Variants in PPP1R21 observed in about 807,000 individuals in gnomAD.
PPP1R21 encodes protein phosphatase 1 regulatory subunit 21.
PPP1R21 carries 85 observed loss-of-function variants against 112.8 expected under a neutral mutation model. That is an observed-to-expected ratio of 0.75 (90% CI 0.63 to 0.90). The LOEUF (loss-of-function observed/expected upper bound fraction) is 0.90. Ranked by LOEUF, PPP1R21 falls within the 40% of genes least tolerant of loss-of-function variation. The pLI is 0.00. For missense variants in PPP1R21, 1,199 were observed against 901.5 expected, an observed-to-expected ratio of 1.33 and a Z score of -4.23; for synonymous variants, 381 against 322.3, an observed-to-expected ratio of 1.18 and a Z score of -1.95.
chr2:48,498,244 C>G (rs1669938603), intron 16 of PPP1R21, among the ~76,000 whole-genome samples: 1 of 148,244 alleles, frequency 6.7e-6, no homozygotes, highest in Non-Finnish European at 1.5e-5. Flanking sequence ...TCTGAGTTTT[C>G]TTTTCACTCT....
At chr2:48,465,768 G>C (rs1668174322) in intron 9 of PPP1R21, 126 bp downstream of exon 9, 3 of 697,192 alleles carry the variant, frequency 4.3e-6, no homozygotes, top group East Asian at 6.0e-5. Flanking sequence ...AAAAAGCATA[G>C]TTTTTACTCT....
intron 13 of PPP1R21, among the ~76,000 whole-genome samples, chr2:48,481,502 T>C (rs1669009900): frequency 6.6e-6 from 1 of 152,234 alleles, no homozygotes; most frequent in Non-Finnish European, 1.5e-5. Flanking sequence ...AGTCCTCTCT[T>C]CCAGAACTTT....
In PPP1R21 at chr2:48,466,001, G is replaced by A. The variant is rs560666243; in HGVS notation, c.897+359G>A. Among the ~76,000 whole-genome samples the A allele has an allele frequency of 2.2e-3, 335 of 152,198 alleles. 2 individuals are homozygous for A. The highest frequency in any genetic ancestry group is 4.1e-3 in the Non-Finnish European group (281 of 67,990). ...GTCATGTGTTTCGTGGATGGTGGCA[G>A]GCAAAAAGAGAGCTTGTGGAGGGAA... On this transcript the variant is annotated intron_variant, in intron 9 of 21. Coordinates refer to ENST00000294952, the MANE Select transcript of PPP1R21 (RefSeq NM_001135629.3).
chr2:48,479,628 A>T (rs1392267525), intron 12 of PPP1R21: 1 of 577,726 alleles, frequency 1.7e-6, no homozygotes, highest in African/African-American at 1.9e-5. Context: ...ATAACAAGGT[A>T]AACATTCACA....
intron 9 of PPP1R21, among the ~76,000 whole-genome samples, chr2:48,469,335 CATAT>C (rs201153843): frequency 6.9e-5 from 1 of 14,476 alleles, no homozygotes; most frequent in Non-Finnish European, 1.1e-4. Flanking sequence ...ATATATAGAG[CATAT>C]ATATATATAG....
At chr2:48,508,332 A>T (rs1028689887) in intron 19 of PPP1R21, among the ~76,000 whole-genome samples, 1 of 152,186 alleles carries the variant, frequency 6.6e-6, no homozygotes, top group African/African-American at 2.4e-5. Flanking sequence ...TTGAAAAAGG[A>T]AAGATAAACC....
rs1467715549 is a variant in PPP1R21 at position 48,465,564 on chromosome 2, T to C, written c.819T>C (p.Phe273=). ...ATCTTGTGACGGCTCTTCTAAACTTTCATACCTACACAGAACAGAGGATTC... is the reference window on the plus strand; with the variant it reads ...ATCTTGTGACGGCTCTTCTAAACTTCCATACCTACACAGAACAGAGGATTC... ...VQDLVTALLN[F]HTYTEQRIQI... is the part of the protein sequence containing the mutation. The change falls in exon 9 of 22, where the codon TTT becomes TTC. Residue 273 remains phenylalanine (F), a synonymous_variant. Transcript: ENST00000294952. 2.5e-6 allele frequency: 4 copies of C among 1,613,914 alleles called. No homozygotes were observed. Among genetic ancestry groups the C allele is most frequent in the Non-Finnish European group, 3.4e-6 (4 of 1,179,932 alleles).
rs570424155 is a variant in PPP1R21, at chr2:48,514,493, C to T, written c.2314-222C>T. Among the ~76,000 whole-genome samples the T allele has an allele frequency of 1.2e-4, 19 of 152,106 alleles. No homozygotes were observed. In the East Asian group the frequency reaches 1.4e-3, roughly 11 times the overall value. On this transcript the variant is annotated intron_variant, in intron 21 of 21. Coordinates refer to ENST00000294952, the MANE Select transcript of PPP1R21 (RefSeq NM_001135629.3). Reference sequence around the variant, plus strand: ...TTTCTTTATTTCCTGTCCTCAGCCCCGAGAGGGATAGGGTCTGTGGAAGCA... The same window carrying T: ...TTTCTTTATTTCCTGTCCTCAGCCCTGAGAGGGATAGGGTCTGTGGAAGCA...
intron 17 of PPP1R21, among the ~76,000 whole-genome samples, chr2:48,504,301 C>T (rs953564803): frequency 6.6e-6 from 1 of 152,192 alleles, no homozygotes; most frequent in Non-Finnish European, 1.5e-5. Context: ...TTGATATACT[C>T]TCAGTGTTCA....
chr2:48,497,690 C>T (rs771145251), intron 16 of PPP1R21, among the ~76,000 whole-genome samples: 14 of 141,186 alleles, frequency 9.9e-5, no homozygotes, highest in Non-Finnish European at 1.4e-4. Context: ...CTTACTCTGT[C>T]GCCCAGGCTG....
At position 48,460,043 on chromosome 2, in the gene PPP1R21, C is replaced by G. The variant is rs1227148886; in HGVS notation, c.541-52C>G. 5 of 1,607,548 alleles carry G rather than the reference C, an allele frequency of 3.1e-6. No individual in the cohort carries two copies. In the East Asian group the frequency reaches 8.9e-5, roughly 29 times the overall value. ...CCTGCAGGGTCTTACTAAGTGTGCT[C>G]CTATCTGTCGTAGCCTGAGCCATCT... On this transcript the variant is annotated intron_variant, in intron 5 of 21. Coordinates refer to ENST00000294952, the MANE Select transcript of PPP1R21 (RefSeq NM_001135629.3).
rs557840399 is a variant in PPP1R21, at chr2:48,487,751, A to G, written c.1446+993A>G. ...ACCCTATCCTGGGTGACAGAGCAAG[A>G]CCCTATCTCAAAAAAAAAAAAAAAA... On this transcript the variant is annotated intron_variant, in intron 14 of 21. Transcript: ENST00000294952. 4.8e-5 allele frequency among the ~76,000 whole-genome samples: 7 copies of G among 146,936 alleles called. No individual in the cohort carries two copies. In the South Asian group the frequency reaches 1.5e-3, roughly 32 times the overall value.
rs921880246 is a variant in PPP1R21 at position 48,497,936 on chromosome 2, C to T, written c.1693-557C>T. On this transcript the variant is annotated intron_variant, in intron 16 of 21. Coordinates refer to ENST00000294952, the MANE Select transcript of PPP1R21 (RefSeq NM_001135629.3). Reference sequence around the variant, plus strand: ...AAAGTGCTGGGATTACAGTCATGAGCCACCGTGCCTGGCCTGCACCAACCT... The same window carrying T: ...AAAGTGCTGGGATTACAGTCATGAGTCACCGTGCCTGGCCTGCACCAACCT... Among the ~76,000 whole-genome samples, 3 of 152,290 alleles carry T rather than the reference C, an allele frequency of 2.0e-5. No homozygotes were observed. The South Asian group carries it at 6.2e-4, about 32-fold the overall frequency.
chr2:48,473,952 C>T (rs1418691600), intron 11 of PPP1R21, among the ~76,000 whole-genome samples: 1 of 152,162 alleles, frequency 6.6e-6, no homozygotes, highest in Non-Finnish European at 1.5e-5. Flanking sequence ...ACTATGTGTA[C>T]TGGAAAAGAT....
Position 48,491,099 on chromosome 2 carries a change from A to C in PPP1R21, c.1528A>C (p.Ser510Arg), listed in dbSNP as rs754195689. ...ACCTAAGGCAGCGAGTGGATTCATT[A>C]GTCCTCTTTCAGCTGAATGCATGCT... ...YGPKAASGFI[S>R]PLSAECMLQY... Residue 510 changes from serine to arginine, a missense_variant, in exon 15 of 22, where the codon AGT (serine) becomes CGT (arginine). Transcript: ENST00000294952. 1.2e-6 allele frequency: 2 copies of C among 1,614,038 alleles called. No homozygotes were observed. The highest frequency in any genetic ancestry group is 4.5e-5 in the East Asian group (2 of 44,900).
intron 16 of PPP1R21, among the ~76,000 whole-genome samples, chr2:48,496,910 T>C (rs1485496812): frequency 1.3e-5 from 2 of 152,256 alleles, no homozygotes; most frequent in African/African-American, 4.8e-5. Flanking sequence ...GAGGGTGGCA[T>C]GCCCAGGGAG....
chr2:48,441,155 T>C, intron 1 of PPP1R21, 145 bp downstream of exon 1: 1 of 661,212 alleles, frequency 1.5e-6, no homozygotes, highest in Non-Finnish European at 2.7e-6. Context: ...CGTCCACCAT[T>C]ACGGTGCCTC....
At chr2:48,473,396 C>T (rs761169935) in intron 11 of PPP1R21, among the ~76,000 whole-genome samples, 3 of 152,120 alleles carry the variant, frequency 2.0e-5, no homozygotes, top group Non-Finnish European at 4.4e-5. Flanking sequence ...AACCATTGCA[C>T]AAGTATTTAC....
chr2:48,498,561 A>G lies in PPP1R21; in HGVS notation c.1761A>G (p.Gln587=), dbSNP rs746078228. The G allele has an allele frequency of 5.3e-5, 86 of 1,614,118 alleles. No individual in the cohort carries two copies. The highest frequency in any genetic ancestry group is 6.4e-5 in the Non-Finnish European group (75 of 1,180,042). Residue 587 remains glutamine (Q), a synonymous_variant, in exon 17 of 22, where the codon CAA becomes CAG. Coordinates refer to ENST00000294952, the MANE Select transcript of PPP1R21 (RefSeq NM_001135629.3). ...AAGAACATTGGATGTTGGAAGCACA[A>G]TTAGCCAAAATCAAGCTAGAGAAAG... ...QEKEHWMLEA[Q]LAKIKLEKEN... is the part of the protein sequence containing the mutation.
Sources: allele counts gnomAD v4.1 joint callset (sites outside exome capture counted in the v4.1 genomes callset), GRCh38; gene constraint gnomAD v4.1.1; transcripts MANE v1.5; gene names NCBI Gene and HGNC (gene_info 2026-07-23, HGNC 2026-07-21).